MYO3B: variants seen among roughly 807,000 people sequenced by gnomAD.
MYO3B encodes myosin-IIIb.
In MYO3B, 156 loss-of-function variants were observed where a neutral mutation model predicts 174.6. The ratio of observed to expected loss-of-function variants is 0.89; its 90% CI spans 0.78 to 1.02. The LOEUF is 1.02. MYO3B is among the 50% of genes least tolerant of loss of function. The pLI is 0.00. For synonymous variants in MYO3B, 563 were observed against 569.1 expected, an observed-to-expected ratio of 0.99 and a Z score of 0.15; for missense variants, 1,632 against 1,639.4, an observed-to-expected ratio of 1.00 and a Z score of 0.08.
intron 8 of MYO3B, among the ~76,000 whole-genome samples, chr2:170,345,481 A>C (rs1039278620): frequency 6.6e-6 from 1 of 152,140 alleles, no homozygotes; most frequent in Non-Finnish European, 1.5e-5. Flanking sequence ...GGGAAATTTC[A>C]TAATTTATTT....
intron 7 of MYO3B, among the ~76,000 whole-genome samples, chr2:170,289,493 G>A (rs907773409): frequency 9.2e-5 from 14 of 151,776 alleles, no homozygotes; most frequent in African/African-American, 2.9e-4. Flanking sequence ...CCAATTCGTT[G>A]GCATTTAGTT....
At chr2:170,235,897 A>G in intron 6 of MYO3B, 94 bp from the exon 7 acceptor site, 1 of 1,511,942 alleles carries the variant, frequency 6.6e-7, no homozygotes, top group Non-Finnish European at 9.0e-7. Context: ...TGGCCAAGAA[A>G]ACTGAGAACG....
intron 8 of MYO3B, among the ~76,000 whole-genome samples, chr2:170,356,075 C>T (rs1164632241): frequency 6.6e-6 from 1 of 152,000 alleles, no homozygotes; most frequent in African/African-American, 2.4e-5. Flanking sequence ...ATTCTCCTGC[C>T]TCAGCCTCCC....
chr2:170,254,570 G>A (rs1408271598), intron 7 of MYO3B, among the ~76,000 whole-genome samples: 2 of 152,210 alleles, frequency 1.3e-5, no homozygotes, highest in Non-Finnish European at 2.9e-5. Context: ...TGGACTGGGA[G>A]CAGTTCAGCA....
rs114840123 is a variant in MYO3B, at chr2:170,368,783, C to T, written c.816-439C>T. 1.9e-3 allele frequency among the ~76,000 whole-genome samples: 295 copies of T among 152,190 alleles called. 1 individual carries two copies. Among genetic ancestry groups the T allele is most frequent in the African/African-American group, 6.7e-3 (280 of 41,512 alleles). On this transcript the variant is annotated intron_variant, in intron 8 of 34. Transcript: ENST00000408978. ...TAACACCTAGATGCCTTTTCCCTGC[C>T]GGTAAACAAGGGGCATTTCATATAT...
chr2:170,519,315 A>G, intron 29 of MYO3B, 123 bp from the exon 30 acceptor site: 2 of 641,634 alleles, frequency 3.1e-6, no homozygotes, highest in Non-Finnish European at 5.3e-6. Flanking sequence ...AAAAAAACCT[A>G]TAGAAAGTCA....
chr2:170,431,881 C>G (rs550909763), intron 22 of MYO3B, among the ~76,000 whole-genome samples: 3 of 152,272 alleles, frequency 2.0e-5, no homozygotes, highest in African/African-American at 7.2e-5. Context: ...AATGACAGAC[C>G]ACATATACAA....
At chr2:170,354,070 C>G (rs2094100031) in intron 8 of MYO3B, among the ~76,000 whole-genome samples, 1 of 152,214 alleles carries the variant, frequency 6.6e-6, no homozygotes, top group South Asian at 2.1e-4. Flanking sequence ...TCCATCTAAC[C>G]TGTTACCTGT....
In MYO3B at chr2:170,561,790, A is replaced by G. The variant is rs193014470; in HGVS notation, c.3733+17802A>G. ...TCTATAAATCATCAGATGACCCTCA[A>G]AAGTTATTTAAGAAAATTTTGTGCT... On this transcript the variant is annotated intron_variant, in intron 32 of 34. Transcript: ENST00000408978. 2.0e-3 allele frequency among the ~76,000 whole-genome samples: 300 copies of G among 152,322 alleles called. No individual in the cohort carries two copies. In the Middle Eastern group the frequency reaches 0.02, roughly 10 times the overall value.
chr2:170,333,196 A>G (rs1318548072), intron 7 of MYO3B, among the ~76,000 whole-genome samples: 2 of 152,322 alleles, frequency 1.3e-5, no homozygotes, highest in Non-Finnish European at 2.9e-5. Context: ...ACTGAAAGAT[A>G]TAGCACCAAA....
At chr2:170,485,966 G>T (rs1238932083) in intron 25 of MYO3B, among the ~76,000 whole-genome samples, 1 of 152,088 alleles carries the variant, frequency 6.6e-6, no homozygotes, top group Non-Finnish European at 1.5e-5. Flanking sequence ...AGATTGGTGG[G>T]CCTCATCCCC....
chr2:170,624,148 A>G (rs951484199), intron 32 of MYO3B, among the ~76,000 whole-genome samples: 3 of 152,224 alleles, frequency 2.0e-5, no homozygotes, highest in Admixed American at 1.3e-4. Flanking sequence ...CATTGCATCT[A>G]TAAATTACCT....
At chr2:170,565,967 C>A (rs1285957307) in intron 32 of MYO3B, among the ~76,000 whole-genome samples, 1 of 152,126 alleles carries the variant, frequency 6.6e-6, no homozygotes, top group Non-Finnish European at 1.5e-5. Context: ...CTTTTCTCCT[C>A]CTATGCTCAA....
At chr2:170,370,928 A>G (rs2094238719) in intron 9 of MYO3B, among the ~76,000 whole-genome samples, 2 of 151,820 alleles carry the variant, frequency 1.3e-5, no homozygotes, top group South Asian at 2.1e-4. Flanking sequence ...TTCAAAAAGA[A>G]AAAGAACAGG....
intron 1 of MYO3B, among the ~76,000 whole-genome samples, chr2:170,189,506 C>CT (rs898246975): frequency 3.3e-5 from 5 of 151,436 alleles, no homozygotes; most frequent in African/African-American, 7.3e-5. Flanking sequence ...AGTGTGAGTT[C>CT]TTTTTTTTAT....
chr2:170,381,944 C>A, intron 9 of MYO3B, 72 bp from the exon 10 acceptor site: 1 of 1,242,726 alleles, frequency 8.0e-7, no homozygotes. Flanking sequence ...TGTGAATGAG[C>A]CATGCTTGCT....
intron 30 of MYO3B, among the ~76,000 whole-genome samples, chr2:170,541,348 A>G (rs1690093581): frequency 1.3e-5 from 2 of 152,210 alleles, no homozygotes; most frequent in Non-Finnish European, 2.9e-5. Flanking sequence ...CTTTGGGCCA[A>G]TGCTTAGATA....
intron 32 of MYO3B, among the ~76,000 whole-genome samples, chr2:170,595,936 A>C (rs10194306): frequency 0.048 from 7,280 of 152,240 alleles, 609 homozygotes; most frequent in African/African-American, 0.17. Flanking sequence ...GTTGCATCTT[A>C]GTGAGGACCT....
At position 170,453,409 on chromosome 2, in the gene MYO3B, T is replaced by TACACACACACACACACAC. The variant is rs35558091; in HGVS notation, c.2730+9390_2730+9407dup. 3.8e-3 allele frequency among the ~76,000 whole-genome samples: 495 copies of TACACACACACACACACAC among 131,254 alleles called. 2 individuals carry two copies. The highest frequency in any genetic ancestry group is 9.3e-3 in the East Asian group (42 of 4,538). 86.1% of individuals were successfully genotyped at this position (131,254 alleles called of 152,430 possible). A position where few individuals can be genotyped will look rare whatever the true frequency, so the allele number is the denominator to read the frequency against. ...GAGACTAACAGTGATGTTTACCATT[T>TACACACACACACACACAC]ACACACACACACACACACACACACA... On this transcript the variant is annotated intron_variant, in intron 23 of 34. Transcript: ENST00000408978.
Sources: allele counts gnomAD v4.1 joint callset (sites outside exome capture counted in the v4.1 genomes callset), GRCh38; gene constraint gnomAD v4.1.1; transcripts MANE v1.5; gene names NCBI Gene and HGNC (gene_info 2026-07-23, HGNC 2026-07-21).